Variants in ENTPD1 observed in about 807,000 individuals in gnomAD.
The protein encoded by ENTPD1 is ATP diphosphohydrolase.
A neutral mutation model predicts 57.0 loss-of-function variants in ENTPD1; 33 were observed. That is an observed-to-expected ratio of 0.58 (90% CI 0.44 to 0.77). ENTPD1 has a LOEUF of 0.77. Ranked by LOEUF, ENTPD1 falls within the 30% of genes least tolerant of loss-of-function variation. The pLI, the probability that ENTPD1 is intolerant of heterozygous loss-of-function variation, is 0.00. For missense variants in ENTPD1, 501 were observed against 603.4 expected (o/e 0.83, Z 1.78); for synonymous variants, 202 against 218.8 (o/e 0.92, Z 0.68).
At chr10:95,712,911 G>A (rs2097967265) in intron 1 of ENTPD1, among the ~76,000 whole-genome samples, 1 of 152,126 alleles carries the variant, frequency 6.6e-6, no homozygotes, top group Non-Finnish European at 1.5e-5. Context: ...GCGGACGCCT[G>A]TAGTCCCAAC....
At chr10:95,845,332 C>T in intron 5 of ENTPD1, 25 bp from the exon 6 acceptor site, 1 of 1,614,092 alleles carries the variant, frequency 6.2e-7, no homozygotes, top group Non-Finnish European at 8.5e-7. Flanking sequence ...AGACTTCTAG[C>T]ACTGGTAACT....
chr10:95,719,429 C>G (rs747898478), intron 1 of ENTPD1, among the ~76,000 whole-genome samples: 1 of 152,136 alleles, frequency 6.6e-6, no homozygotes, highest in Non-Finnish European at 1.5e-5. Flanking sequence ...GCTATTTTGC[C>G]GTACCTGGGA....
intron 1 of ENTPD1, among the ~76,000 whole-genome samples, chr10:95,727,221 G>A (rs1300598691): frequency 6.6e-6 from 1 of 152,052 alleles, no homozygotes; most frequent in Non-Finnish European, 1.5e-5. Flanking sequence ...ATTTATTTGA[G>A]GAGAAGGAAA....
At chr10:95,754,220 A>T (rs2098016929), upstream of ENTPD1, 1 of 151,044 alleles carries the variant, frequency 6.6e-6, no homozygotes, top group African/African-American at 2.4e-5. Context: ...AGGCAGGAGA[A>T]TCACTTGAAC....
intron 3 of ENTPD1, among the ~76,000 whole-genome samples, chr10:95,841,497 A>T (rs184444128): frequency 6.6e-6 from 1 of 152,362 alleles, no homozygotes; most frequent in African/African-American, 2.4e-5. Context: ...AGTTAATCAA[A>T]TATTTAACAC....
chr10:95,828,779 C>T (rs1183643307), intron 2 of ENTPD1, among the ~76,000 whole-genome samples: 6 of 147,520 alleles, frequency 4.1e-5, no homozygotes, highest in Middle Eastern at 3.6e-3. Flanking sequence ...GGCATGATCT[C>T]GGCTCACCGC....
chr10:95,722,290 A>AT (rs1407061970), intron 1 of ENTPD1, among the ~76,000 whole-genome samples: 1 of 148,700 alleles, frequency 6.7e-6, no homozygotes, highest in African/African-American at 2.5e-5. Flanking sequence ...TAATTTTTTA[A>AT]TTTTTTATTT....
intron 9 of ENTPD1, among the ~76,000 whole-genome samples, chr10:95,865,574 G>A (rs1453774835): frequency 6.6e-6 from 1 of 152,190 alleles, no homozygotes; most frequent in Non-Finnish European, 1.5e-5. Flanking sequence ...TTGAGACAGA[G>A]GGCTGTAGCA....
the ENTPD1 span, among the ~76,000 whole-genome samples, chr10:95,705,291 G>GTGTGTGTA: frequency 6.6e-6 from 1 of 151,968 alleles, no homozygotes; most frequent in Admixed American, 6.6e-5. Flanking sequence ...GTGTGTGTGT[G>GTGTGTGTA]TGTGTGTATG....
Position 95,845,366 on chromosome 10 carries a change from T to C in ENTPD1, c.583T>C (p.Trp195Arg). 6.2e-7 allele frequency: 1 copy of C among 1,614,180 alleles called. No homozygotes were observed. The highest frequency in any genetic ancestry group is 1.1e-5 in the South Asian group (1 of 91,082). ...LLGKFSQKTR[W>R]FSIVPYETNN... ...CTGTACTGTCTTTCAGAAAACAAGG[T>C]GGTTCAGCATAGTCCCATATGAAAC... is the stretch of plus-strand genomic sequence containing the variant. The change falls in exon 6 of 10, where the codon TGG becomes CGG. Residue 195 changes from tryptophan to arginine, a missense_variant. Transcript: ENST00000371205.
At chr10:95,781,739 A>G (rs1261545795) in intron 1 of ENTPD1, among the ~76,000 whole-genome samples, 1 of 152,226 alleles carries the variant, frequency 6.6e-6, no homozygotes, top group Non-Finnish European at 1.5e-5. Flanking sequence ...ACTGTGTTAT[A>G]TACTCTGAAA....
intron 1 of ENTPD1, among the ~76,000 whole-genome samples, chr10:95,816,255 T>C (rs2098329778): frequency 6.6e-6 from 1 of 152,182 alleles, no homozygotes. Context: ...CATCACCTGA[T>C]ATTTCTAGTT....
At chr10:95,862,308 GA>G (rs1019061652) in intron 8 of ENTPD1, among the ~76,000 whole-genome samples, 4 of 152,232 alleles carry the variant, frequency 2.6e-5, no homozygotes, top group Non-Finnish European at 5.9e-5. Context: ...CACCCAGGTA[GA>G]AAGCATAGTT....
chr10:95,726,772 G>T (rs951081078), intron 1 of ENTPD1, among the ~76,000 whole-genome samples: 1 of 152,148 alleles, frequency 6.6e-6, no homozygotes, highest in Non-Finnish European at 1.5e-5. Context: ...GTTTATCTCT[G>T]AGAGGGTTCA....
intron 1 of ENTPD1, among the ~76,000 whole-genome samples, chr10:95,806,063 C>T (rs959249829): frequency 6.6e-6 from 1 of 152,246 alleles, no homozygotes; most frequent in Non-Finnish European, 1.5e-5. Context: ...GGAAGTTCTC[C>T]TGGATAATAT....
intron 1 of ENTPD1, among the ~76,000 whole-genome samples, chr10:95,723,264 CTCTT>C (rs1412985422): frequency 1.3e-5 from 2 of 152,116 alleles, no homozygotes; most frequent in African/African-American, 4.8e-5. Flanking sequence ...TTCTATCTTT[CTCTT>C]TCTTTCTCTC....
At chr10:95,703,850 C>T in the ENTPD1 span, among the ~76,000 whole-genome samples, 56 of 147,356 alleles carry the variant, frequency 3.8e-4, no homozygotes, top group African/African-American at 1.3e-3. Context: ...CAGCACTTTG[C>T]GAGGCTGAGG....
Position 95,876,441 on chromosome 10 carries a change from C to T in ENTPD1, c.*10058C>T, listed in dbSNP as rs772320186. 11 of 1,231,052 alleles carry T rather than the reference C, an allele frequency of 8.9e-6. No individual in the cohort carries two copies. The highest frequency in any genetic ancestry group is 1.1e-5 in the Non-Finnish European group (11 of 987,642). The allele number at this position is 1,231,052 out of a possible 1,614,324, so 76.3% of individuals were successfully genotyped here. A position where few individuals can be genotyped will look rare whatever the true frequency, so the allele number is the denominator to read the frequency against. On this transcript the variant is annotated 3_prime_UTR_variant, in exon 10 of 10. Coordinates refer to ENST00000371205, the MANE Select transcript of ENTPD1 (RefSeq NM_001776.6). ...TCTCCTCGGTTCTGCAATCTATAGG[C>T]ATACCATAATTGTAATCAATAGCTT...
At chr10:95,781,413 T>C (rs2098157400) in intron 1 of ENTPD1, among the ~76,000 whole-genome samples, 1 of 152,140 alleles carries the variant, frequency 6.6e-6, no homozygotes, top group African/African-American at 2.4e-5. Context: ...AATAATAATT[T>C]AATTGAACAT....
Sources: gnomAD v4.1 joint callset for allele counts (sites outside exome capture counted in the v4.1 genomes callset) on GRCh38, gnomAD v4.1.1 for gene constraint, MANE v1.5 for transcripts, NCBI Gene and HGNC (gene_info 2026-07-23, HGNC 2026-07-21) for gene names.